RBM47: variants seen among roughly 807,000 people sequenced by gnomAD.
The protein encoded by RBM47 is RNA-binding protein 47.
A neutral mutation model predicts 47.1 loss-of-function variants in RBM47; 21 were observed. The observed-to-expected ratio is 0.45, with a 90% CI of 0.32 to 0.64. The LOEUF (loss-of-function observed/expected upper bound fraction) is 0.64. Ranked by LOEUF, RBM47 falls within the 30% of genes least tolerant of loss-of-function variation. The pLI, the probability that RBM47 is intolerant of heterozygous loss-of-function variation, is 0.05. For synonymous variants in RBM47, 375 were observed against 361.7 expected (o/e 1.04, Z -0.42); for missense variants, 708 against 870.9 (o/e 0.81, Z 2.35).
At chr4:40,531,293 C>G (rs1157350745) in intron 2 of RBM47, among the ~76,000 whole-genome samples, 1 of 151,808 alleles carries the variant, frequency 6.6e-6, no homozygotes, top group African/African-American at 2.4e-5. Context: ...ACTAGCTGAG[C>G]TTCAAAGGAT....
At chr4:40,439,208 G>A (rs1713248841) in intron 3 of RBM47, among the ~76,000 whole-genome samples, 1 of 151,806 alleles carries the variant, frequency 6.6e-6, no homozygotes, top group Non-Finnish European at 1.5e-5. Context: ...TTGAAGTTTT[G>A]CGAAGCTGCT....
chr4:40,492,992 A>G (rs995146406), intron 2 of RBM47, among the ~76,000 whole-genome samples: 4 of 152,182 alleles, frequency 2.6e-5, no homozygotes, highest in African/African-American at 9.7e-5. Context: ...CAAGCAACCA[A>G]GCTAAACAAA....
intron 5 of RBM47, among the ~76,000 whole-genome samples, chr4:40,435,454 C>CA (rs1356613825): frequency 6.6e-6 from 1 of 152,072 alleles, no homozygotes; most frequent in African/African-American, 2.4e-5. Flanking sequence ...GAGGTTGAGG[C>CA]AGGAGAATCG....
At chr4:40,620,085 A>G (rs1390552383) in intron 1 of RBM47, among the ~76,000 whole-genome samples, 1 of 150,724 alleles carries the variant, frequency 6.6e-6, no homozygotes, top group Non-Finnish European at 1.5e-5. Context: ...TAATCCAGCT[A>G]CTCGGGAGGC....
intron 1 of RBM47, among the ~76,000 whole-genome samples, chr4:40,592,989 T>A (rs1233865635): frequency 6.6e-4 from 28 of 42,368 alleles, no homozygotes; most frequent in South Asian, 2.9e-3. Context: ...ATTTTTTTTT[T>A]TTTTTTTTTT....
At chr4:40,489,727 A>G (rs1577774127) in intron 2 of RBM47, among the ~76,000 whole-genome samples, 2 of 152,308 alleles carry the variant, frequency 1.3e-5, no homozygotes, top group African/African-American at 4.8e-5. Flanking sequence ...TCTCTGGAGG[A>G]TTCTATCAAA....
chr4:40,521,018 C>T (rs949781520), intron 2 of RBM47, among the ~76,000 whole-genome samples: 3 of 152,130 alleles, frequency 2.0e-5, no homozygotes, highest in South Asian at 4.1e-4. Context: ...AACTTCTAGC[C>T]GTGTGAGAGG....
intron 3 of RBM47, among the ~76,000 whole-genome samples, chr4:40,457,143 G>C (rs1057072656): frequency 1.3e-4 from 19 of 151,908 alleles, no homozygotes; most frequent in African/African-American, 1.2e-4. Flanking sequence ...GTGGGGGTCG[G>C]GCGTGGTGGC....
chr4:40,499,984 A>G (rs1723121002), intron 2 of RBM47, among the ~76,000 whole-genome samples: 1 of 152,250 alleles, frequency 6.6e-6, no homozygotes, highest in Non-Finnish European at 1.5e-5. Flanking sequence ...CAAAGCTACT[A>G]GCTGTGCTTA....
intron 3 of RBM47, among the ~76,000 whole-genome samples, chr4:40,454,123 T>C (rs1715872662): frequency 6.6e-6 from 1 of 152,190 alleles, no homozygotes; most frequent in African/African-American, 2.4e-5. Context: ...GCTGCATTTA[T>C]GGGGACGGTG....
intron 2 of RBM47, among the ~76,000 whole-genome samples, chr4:40,504,210 T>C (rs1208364170): frequency 6.6e-6 from 1 of 152,074 alleles, no homozygotes; most frequent in Non-Finnish European, 1.5e-5. Context: ...AAGGCATACC[T>C]ATTTGTGTGG....
chr4:40,431,629 G>T (rs1167053869), intron 6 of RBM47, among the ~76,000 whole-genome samples: 3 of 148,116 alleles, frequency 2.0e-5, no homozygotes, highest in African/African-American at 5.0e-5. Context: ...CTGCGCTCCA[G>T]CCTGGGCGAC....
intron 5 of RBM47, among the ~76,000 whole-genome samples, chr4:40,435,990 C>T (rs1454760768): frequency 3.4e-5 from 4 of 117,338 alleles, no homozygotes; most frequent in Admixed American, 2.1e-4. Flanking sequence ...AACCCCATCT[C>T]TACTAAAAAT....
chr4:40,608,536 T>C (rs2154278773), intron 1 of RBM47, among the ~76,000 whole-genome samples: 1 of 152,326 alleles, frequency 6.6e-6, no homozygotes, highest in African/African-American at 2.4e-5. Flanking sequence ...CCAATCCATA[T>C]CGAGTATTAA....
intron 4 of RBM47, 23 bp downstream of exon 4, chr4:40,437,748 C>A: frequency 6.3e-7 from 1 of 1,577,678 alleles, no homozygotes; most frequent in South Asian, 1.1e-5. Context: ...GGGGCCCCAC[C>A]CAGGAGAAGA....
chr4:40,425,895 T>C lies in RBM47; in HGVS notation c.*9A>G. 1 of 1,613,866 alleles carries C rather than the reference T, an allele frequency of 6.2e-7. No homozygotes were observed. Among genetic ancestry groups the C allele is most frequent in the Non-Finnish European group, 8.5e-7 (1 of 1,179,810 alleles). On this transcript the variant is annotated 3_prime_UTR_variant, in exon 7 of 7. Coordinates refer to ENST00000295971, the MANE Select transcript of RBM47 (RefSeq NM_001098634.2). ...TTTGTGTGGTCTGTCTTCGTGCTGG[T>C]CACCAGCCTCAGTATGTCTGGTAGA...
chr4:40,609,098 T>C (rs1312273237), intron 1 of RBM47, among the ~76,000 whole-genome samples: 1 of 152,126 alleles, frequency 6.6e-6, no homozygotes, highest in African/African-American at 2.4e-5. Context: ...GTTCAAGTGA[T>C]TCTCCTGCCT....
At chr4:40,597,282 T>C (rs999399247) in intron 1 of RBM47, among the ~76,000 whole-genome samples, 2 of 149,962 alleles carry the variant, frequency 1.3e-5, no homozygotes, top group South Asian at 2.1e-4. Context: ...AGTTTTAGTT[T>C]ATCAAAATAC....
At chr4:40,496,794 C>T (rs566882325) in intron 2 of RBM47, among the ~76,000 whole-genome samples, 1 of 152,276 alleles carries the variant, frequency 6.6e-6, no homozygotes, top group South Asian at 2.1e-4. Context: ...AATCCCAGCA[C>T]TTTGGGAGGC....
Sources: gnomAD v4.1 joint callset for allele counts (sites outside exome capture counted in the v4.1 genomes callset) on GRCh38, gnomAD v4.1.1 for gene constraint, MANE v1.5 for transcripts, NCBI Gene and HGNC (gene_info 2026-07-23, HGNC 2026-07-21) for gene names.